Variants in SLC25A21 observed in about 807,000 individuals in gnomAD.
The protein encoded by SLC25A21 is mitochondrial 2-oxodicarboxylate carrier.
In SLC25A21, 47 loss-of-function variants were observed where a neutral mutation model predicts 43.8. That is an observed-to-expected ratio of 1.07 (90% CI 0.85 to 1.37). The LOEUF (loss-of-function observed/expected upper bound fraction) is 1.37, where lower values mean the gene tolerates loss of function less well. Among genes scored for constraint, SLC25A21 ranks in the 40% most tolerant of loss-of-function variants. The pLI, the probability that SLC25A21 is intolerant of heterozygous loss-of-function variation, is 0.00. For missense variants in SLC25A21, 352 were observed against 350.2 expected (o/e 1.00, Z -0.04); for synonymous variants, 131 against 121.3 (o/e 1.08, Z -0.52).
At chr14:36,728,642 G>A (rs946538284) in intron 5 of SLC25A21, among the ~76,000 whole-genome samples, 2 of 152,112 alleles carry the variant, frequency 1.3e-5, no homozygotes, top group African/African-American at 4.8e-5. Flanking sequence ...CCTAGAAAAG[G>A]GGCATGTATG....
intron 1 of SLC25A21, among the ~76,000 whole-genome samples, chr14:36,930,418 C>T (rs1892254934): frequency 6.6e-6 from 1 of 152,092 alleles, no homozygotes; most frequent in Non-Finnish European, 1.5e-5. Context: ...GGTAAACTCC[C>T]CTTTTTCACT....
chr14:37,022,715 T>C (rs1371858626), intron 1 of SLC25A21, among the ~76,000 whole-genome samples: 1 of 152,076 alleles, frequency 6.6e-6, no homozygotes, highest in Non-Finnish European at 1.5e-5. Context: ...GTCTGGAATG[T>C]AAAATATTTG....
intron 1 of SLC25A21, among the ~76,000 whole-genome samples, chr14:37,072,067 A>AGGAG (rs761840773): frequency 9.9e-5 from 15 of 151,540 alleles, no homozygotes; most frequent in Non-Finnish European, 1.9e-4. Flanking sequence ...CTGTAATCCC[A>AGGAG]GCTACTCAGG....
chr14:37,079,205 G>A (rs141983663), intron 1 of SLC25A21, among the ~76,000 whole-genome samples: 2,559 of 152,062 alleles, frequency 0.017, 58 homozygotes, highest in African/African-American at 0.054. Context: ...CATTTTTGTC[G>A]TCAGCCCAGA....
At chr14:37,092,803 T>C (rs1432887436) in intron 1 of SLC25A21, among the ~76,000 whole-genome samples, 1 of 152,004 alleles carries the variant, frequency 6.6e-6, no homozygotes, top group Non-Finnish European at 1.5e-5. Context: ...AAATAGATAA[T>C]AAATAGTCTT....
intron 1 of SLC25A21, among the ~76,000 whole-genome samples, chr14:37,130,343 A>T (rs745872779): frequency 6.6e-6 from 1 of 152,214 alleles, no homozygotes. Context: ...TCATAGTATA[A>T]GAATGACAAA....
chr14:36,777,186 A>T (rs1886867776), intron 3 of SLC25A21, among the ~76,000 whole-genome samples: 2 of 152,188 alleles, frequency 1.3e-5, no homozygotes, highest in Admixed American at 1.3e-4. Context: ...TGAACTTGGG[A>T]GGCGGATGTT....
intron 1 of SLC25A21, among the ~76,000 whole-genome samples, chr14:37,040,369 GAGAGAGAA>G (rs1555343488): frequency 0.023 from 660 of 28,186 alleles, 23 homozygotes; most frequent in Middle Eastern, 0.1. Context: ...AAGAGAGAGA[GAGAGAGAA>G]AGAAAGAAAG....
At chr14:37,118,404 C>CT (rs59227486) in intron 1 of SLC25A21, among the ~76,000 whole-genome samples, 123,841 of 151,926 alleles carry the variant, frequency 0.82, 53,257 homozygotes, top group South Asian at 0.98. Flanking sequence ...CTCCTCCCAA[C>CT]TATTTTTGAA....
intron 1 of SLC25A21, among the ~76,000 whole-genome samples, chr14:37,020,805 A>C (rs1960969133): frequency 6.6e-6 from 1 of 152,106 alleles, no homozygotes; most frequent in South Asian, 2.1e-4. Flanking sequence ...ATTCTTGATA[A>C]ATTATTACCA....
chr14:36,853,342 C>T (rs1889800908), intron 2 of SLC25A21, among the ~76,000 whole-genome samples: 1 of 152,346 alleles, frequency 6.6e-6, no homozygotes, highest in Admixed American at 6.5e-5. Context: ...CTCATCATAA[C>T]ACTACACTAC....
intron 2 of SLC25A21, among the ~76,000 whole-genome samples, chr14:36,829,997 G>A (rs983683530): frequency 6.6e-6 from 1 of 151,618 alleles, no homozygotes; most frequent in Non-Finnish European, 1.5e-5. Context: ...ACACGACTGT[G>A]TATTGTGACC....
chr14:36,803,295 C>A (rs972040588), intron 3 of SLC25A21, among the ~76,000 whole-genome samples: 1 of 152,134 alleles, frequency 6.6e-6, no homozygotes, highest in East Asian at 1.9e-4. Context: ...TTATTTTACA[C>A]ATGAAGCCAG....
intron 1 of SLC25A21, among the ~76,000 whole-genome samples, chr14:37,026,422 T>C (rs1961094089): frequency 1.3e-5 from 2 of 152,106 alleles, no homozygotes; most frequent in Admixed American, 1.3e-4. Context: ...CTTAGCTTGT[T>C]ATTAAAAAAT....
chr14:36,919,081 A>G (rs1891906911), intron 1 of SLC25A21, among the ~76,000 whole-genome samples: 1 of 151,778 alleles, frequency 6.6e-6, no homozygotes, highest in Non-Finnish European at 1.5e-5. Flanking sequence ...TATAAAATAA[A>G]TGAATGGATG....
chr14:37,035,496 A>G (rs1395532099), intron 1 of SLC25A21, among the ~76,000 whole-genome samples: 1 of 152,250 alleles, frequency 6.6e-6, no homozygotes, highest in East Asian at 1.9e-4. Context: ...GAAGAGGTGA[A>G]GTGTCTCTTG....
intron 1 of SLC25A21, among the ~76,000 whole-genome samples, chr14:36,994,054 C>A (rs1488262586): frequency 6.6e-6 from 1 of 151,970 alleles, no homozygotes; most frequent in Non-Finnish European, 1.5e-5. Context: ...AGATTAGTAA[C>A]CTAGATAATG....
intron 3 of SLC25A21, among the ~76,000 whole-genome samples, chr14:36,755,552 C>G (rs1231509959): frequency 6.6e-6 from 1 of 152,134 alleles, no homozygotes; most frequent in Non-Finnish European, 1.5e-5. Context: ...ACAGCTCACA[C>G]ACTTGGATGC....
chr14:37,085,044 ATTC>A (rs1962458085), intron 1 of SLC25A21, among the ~76,000 whole-genome samples: 2 of 151,964 alleles, frequency 1.3e-5, no homozygotes, highest in African/African-American at 2.4e-5. Context: ...CTTTATTATC[ATTC>A]TTCTTCTTGC....
Sources: allele counts gnomAD v4.1 joint callset (sites outside exome capture counted in the v4.1 genomes callset), GRCh38; gene constraint gnomAD v4.1.1; transcripts MANE v1.5; gene names NCBI Gene and HGNC (gene_info 2026-07-23, HGNC 2026-07-21).